WDHD1: variants seen among roughly 807,000 people sequenced by gnomAD.
The protein encoded by WDHD1 is WD repeat and HMG-box DNA-binding protein 1.
In WDHD1, 111 loss-of-function variants were observed where a neutral mutation model predicts 135.4. The ratio of observed to expected loss-of-function variants is 0.82; its 90% CI spans 0.70 to 0.96. WDHD1 has a LOEUF of 0.96. WDHD1 is among the 40% of genes least tolerant of loss of function. The pLI, the probability that WDHD1 is intolerant of heterozygous loss-of-function variation, is 0.00. For synonymous variants in WDHD1, 434 were observed against 439.0 expected (o/e 0.99, Z 0.14); for missense variants, 1,351 against 1,336.3 (o/e 1.01, Z -0.17).
At chr14:54,960,019 G>C (rs1368814499) in intron 21 of WDHD1, among the ~76,000 whole-genome samples, 2 of 152,096 alleles carry the variant, frequency 1.3e-5, no homozygotes, top group African/African-American at 4.8e-5. Context: ...ACAAGAAACT[G>C]AGAATCACTC....
chr14:55,003,906 T>C (rs2878174), intron 7 of WDHD1, among the ~76,000 whole-genome samples: 75,839 of 152,012 alleles, frequency 0.5, 20,365 homozygotes, highest in African/African-American at 0.69. Flanking sequence ...CTCATGTCTT[T>C]GCTCATCTTT....
In WDHD1 at chr14:54,998,970, G is replaced by T. The variant is rs139120430; in HGVS notation, c.942+1533C>A. Among the ~76,000 whole-genome samples, 16 of 152,184 alleles carry T rather than the reference G, an allele frequency of 1.1e-4. No homozygotes were observed. In the East Asian group the frequency reaches 3.1e-3, roughly 29 times the overall value. On this transcript the variant is annotated intron_variant, in intron 10 of 25. Transcript: ENST00000360586. The stretch of plus-strand genomic sequence containing the variant: ...TCCTCCCAATAACCCCAAGTGGTTG[G>T]CATTATTCCTATCTTTTTACACATA...
chr14:54,975,878 A>G (rs191776735), intron 16 of WDHD1, among the ~76,000 whole-genome samples: 6 of 152,250 alleles, frequency 3.9e-5, no homozygotes, highest in Admixed American at 3.9e-4. Flanking sequence ...ACTTTCTTTT[A>G]AAGGATCTCT....
chr14:54,984,109 CTTA>C (rs1483376429), intron 15 of WDHD1, among the ~76,000 whole-genome samples: 6 of 152,158 alleles, frequency 3.9e-5, no homozygotes, highest in African/African-American at 9.7e-5. Context: ...AAAGACACAA[CTTA>C]TTATTGATTT....
intron 3 of WDHD1, among the ~76,000 whole-genome samples, chr14:55,012,574 T>G (rs192119672): frequency 1.4e-3 from 217 of 152,360 alleles, no homozygotes; most frequent in Middle Eastern, 6.8e-3. Flanking sequence ...TGTTTTAGTC[T>G]GTTCTGTACT....
chr14:54,963,110 A>C lies in WDHD1; in HGVS notation c.2373T>G (p.Asn791Lys), dbSNP rs766341358. 3 of 1,434,162 alleles carry C rather than the reference A, an allele frequency of 2.1e-6. No individual in the cohort carries two copies. The East Asian group carries it at 1.0e-4, about 50-fold the overall frequency. 88.8% of individuals were successfully genotyped at this position (1,434,162 alleles called of 1,614,324 possible). A position where few individuals can be genotyped will look rare whatever the true frequency, so the allele number is the denominator to read the frequency against. The change falls in exon 19 of 26, where the codon AAT becomes AAG. Residue 791 changes from asparagine (N) to lysine (K), a missense_variant. This residue lies in a region of WDHD1 where 1,330 missense variants were observed against 1,296.1 expected (regional missense o/e 1.03). Coordinates refer to ENST00000360586, the MANE Select transcript of WDHD1 (RefSeq NM_007086.4). ...CATATTTAATGGCTAAATTCACAGC[A>C]TTTTGAGTCATTAGATCAGCAAGTT... The part of the protein sequence containing the change: ...CVELADLMTQ[N>K]AVNLAIKYAS...
chr14:54,968,856 C>T (rs764483479), intron 16 of WDHD1, among the ~76,000 whole-genome samples: 1 of 152,056 alleles, frequency 6.6e-6, no homozygotes, highest in African/African-American at 2.4e-5. Context: ...CCCTGGGCAA[C>T]AAAATGAGAC....
chr14:55,004,676 C>T, intron 7 of WDHD1: 1 of 326,506 alleles, frequency 3.1e-6, no homozygotes, highest in Non-Finnish European at 6.0e-6. Flanking sequence ...TGGTCTTGAA[C>T]TCGTGGCCTC....
At chr14:54,961,761 A>G (rs1393433504) in intron 21 of WDHD1, among the ~76,000 whole-genome samples, 1 of 152,036 alleles carries the variant, frequency 6.6e-6, no homozygotes, top group Non-Finnish European at 1.5e-5. Flanking sequence ...GCTCCCCACC[A>G]AAAAAGGGCC....
At chr14:54,977,968 G>T (rs1466644030) in intron 16 of WDHD1, among the ~76,000 whole-genome samples, 1 of 150,404 alleles carries the variant, frequency 6.6e-6, no homozygotes, top group Admixed American at 6.6e-5. Flanking sequence ...ATTACTAAGG[G>T]TGTGAAAACT....
intron 2 of WDHD1, among the ~76,000 whole-genome samples, chr14:55,018,084 G>A (rs2042289658): frequency 1.3e-5 from 2 of 151,680 alleles, no homozygotes; most frequent in Non-Finnish European, 2.9e-5. Context: ...TGCTTGGAGT[G>A]ATTGGGTTTT....
rs546934303 is a variant in WDHD1, at chr14:54,950,315, G to A, written c.3050+5246C>T. Reference sequence around the variant, plus strand: ...TGGAGGAAGATCTACCAAGCAAATGGAAAACAACAAAAGGCAGGGGTTGCA... The same window carrying A: ...TGGAGGAAGATCTACCAAGCAAATGAAAAACAACAAAAGGCAGGGGTTGCA... On this transcript the variant is annotated intron_variant, in intron 24 of 25. Transcript: ENST00000360586. Among the ~76,000 whole-genome samples, 55 of 152,092 alleles carry A rather than the reference G, an allele frequency of 3.6e-4. 1 individual carries two copies. The East Asian group carries it at 0.011, about 29-fold the overall frequency.
rs2041959509 is a variant in WDHD1 at position 55,000,425 on chromosome 14, G to A, written c.942+78C>T. 4 of 1,367,678 alleles carry A rather than the reference G, an allele frequency of 2.9e-6. No individual in the cohort carries two copies. The Admixed American group carries it at 1.0e-4, about 35-fold the overall frequency. The allele number at this position is 1,367,678 out of a possible 1,614,324, so 84.7% of individuals were successfully genotyped here. ...GAAAGGTAATTTTCCAAGAAAGTAAGGCAGTTTGTGGTGTCTTCCAAATCC... is the reference window on the plus strand; with the variant it reads ...GAAAGGTAATTTTCCAAGAAAGTAAAGCAGTTTGTGGTGTCTTCCAAATCC... On this transcript the variant is annotated intron_variant, in intron 10 of 25. Coordinates refer to ENST00000360586, the MANE Select transcript of WDHD1 (RefSeq NM_007086.4).
At chr14:54,954,715 A>G (rs904191794) in intron 24 of WDHD1, among the ~76,000 whole-genome samples, 2 of 152,136 alleles carry the variant, frequency 1.3e-5, no homozygotes, top group African/African-American at 4.8e-5. Context: ...GCTATAGTAT[A>G]AAGAAGTTCT....
At chr14:54,992,308 T>C (rs1170896667) in intron 11 of WDHD1, among the ~76,000 whole-genome samples, 1 of 151,762 alleles carries the variant, frequency 6.6e-6, no homozygotes, top group East Asian at 2.0e-4. Context: ...TTGACCTACA[T>C]AGTGAAACCC....
chr14:54,996,591 C>A (rs903976927), intron 10 of WDHD1, among the ~76,000 whole-genome samples: 5 of 151,990 alleles, frequency 3.3e-5, no homozygotes, highest in East Asian at 1.9e-4. Flanking sequence ...CAGAGTGAGA[C>A]CCTGTCTCAA....
intron 24 of WDHD1, among the ~76,000 whole-genome samples, chr14:54,948,086 C>T (rs377053142): frequency 6.6e-6 from 1 of 151,816 alleles, no homozygotes; most frequent in African/African-American, 2.4e-5. Flanking sequence ...CCAAGATGGT[C>T]GAATAGGAAG....
intron 24 of WDHD1, among the ~76,000 whole-genome samples, chr14:54,949,094 C>T (rs2040989093): frequency 6.6e-6 from 1 of 152,126 alleles, no homozygotes; most frequent in Non-Finnish European, 1.5e-5. Flanking sequence ...AATCAGAGCA[C>T]CTCTCCCCCC....
At chr14:54,952,946 A>C (rs1363144398) in intron 24 of WDHD1, among the ~76,000 whole-genome samples, 2 of 152,198 alleles carry the variant, frequency 1.3e-5, no homozygotes, top group African/African-American at 2.4e-5. Flanking sequence ...AACTGGATCC[A>C]TTCCTCACAT....
Sources: gnomAD v4.1 joint callset for allele counts (sites outside exome capture counted in the v4.1 genomes callset) on GRCh38, gnomAD v4.1.1 for gene constraint, gnomAD v4.1.1 regional missense constraint, MANE v1.5 for transcripts, NCBI Gene and HGNC (gene_info 2026-07-23, HGNC 2026-07-21) for gene names.